The following SOS2 variants were observed in gnomAD, a reference collection of about 807,000 sequenced individuals.
SOS2 encodes the protein son of sevenless homolog 2.
In SOS2, 65 loss-of-function variants were observed where a neutral mutation model predicts 148.2. The ratio of observed to expected loss-of-function variants is 0.44; its 90% CI spans 0.36 to 0.54. The LOEUF is 0.54. SOS2 is among the 20% of genes least tolerant of loss of function. SOS2 has a pLI of 0.00. For missense variants in SOS2, 1,341 were observed against 1,590.2 expected, an observed-to-expected ratio of 0.84 and a Z score of 2.67; for synonymous variants, 539 against 537.1, an observed-to-expected ratio of 1.00 and a Z score of -0.05.
At chr14:50,189,275 CATATGT>C (rs201105058) in intron 4 of SOS2, among the ~76,000 whole-genome samples, 1,711 of 124,402 alleles carry the variant, frequency 0.014, 39 homozygotes, top group African/African-American at 0.048. Flanking sequence ...TGTACTAATA[CATATGT>C]ATATGTATAT....
chr14:50,138,350 G>A (rs1171331407), intron 18 of SOS2, among the ~76,000 whole-genome samples: 3 of 150,550 alleles, frequency 2.0e-5, no homozygotes, highest in Non-Finnish European at 3.0e-5. Flanking sequence ...TAGTAGAGAC[G>A]GGGTTTCGCC....
At chr14:50,182,409 C>T in intron 6 of SOS2, 54 bp downstream of exon 6, 1 of 1,529,042 alleles carries the variant, frequency 6.5e-7, no homozygotes, top group African/African-American at 1.4e-5. Context: ...CTCTAAGTTT[C>T]TTACTACAGC....
intron 14 of SOS2, 103 bp downstream of exon 14, chr14:50,149,905 G>A: frequency 1.3e-6 from 1 of 797,582 alleles, no homozygotes; most frequent in Non-Finnish European, 2.1e-6. Flanking sequence ...GAGAGTAGAT[G>A]AGGTATTTTT....
intron 5 of SOS2, among the ~76,000 whole-genome samples, chr14:50,187,835 A>C (rs1885967516): frequency 6.6e-6 from 1 of 152,206 alleles, no homozygotes; most frequent in Non-Finnish European, 1.5e-5. Flanking sequence ...CTTCAAACTA[A>C]AACTTTAAAC....
At chr14:50,190,171 A>AT (rs1381753180) in intron 4 of SOS2, among the ~76,000 whole-genome samples, 1 of 152,040 alleles carries the variant, frequency 6.6e-6, no homozygotes, top group Non-Finnish European at 1.5e-5. Flanking sequence ...ACATTTTATA[A>AT]TTAATAATAC....
chr14:50,204,353 A>T lies in SOS2; in HGVS notation c.144T>A (p.Ile48=). Reference sequence around the variant, plus strand: ...TAAGCAGCTGAAAAATCAGCTCTTCAATATAATAGAGAGACTCTTCATTAG... The same window carrying T: ...TAAGCAGCTGAAAAATCAGCTCTTCTATATAATAGAGAGACTCTTCATTAG... ...LSANEESLYY[I]EELIFQLLNK... Residue 48 remains isoleucine (I), a synonymous_variant, in exon 2 of 23, where the codon ATT becomes ATA. Transcript: ENST00000216373. 1.9e-6 allele frequency: 3 copies of T among 1,591,094 alleles called. No individual in the cohort carries two copies. The highest frequency in any genetic ancestry group is 2.6e-6 in the Non-Finnish European group (3 of 1,160,698).
At chr14:50,157,185 A>G (rs1025858913) in intron 11 of SOS2, 64 bp from the exon 12 acceptor site, 3 of 1,554,804 alleles carry the variant, frequency 1.9e-6, no homozygotes, top group African/African-American at 1.4e-5. Context: ...GGAGGAAAAC[A>G]GCAAGCAACC....
At chr14:50,148,132 C>G (rs899612893) in intron 14 of SOS2, among the ~76,000 whole-genome samples, 1 of 152,136 alleles carries the variant, frequency 6.6e-6, no homozygotes, top group East Asian at 1.9e-4. Context: ...GTTTACAAAG[C>G]TGGGTGCAGT....
At chr14:50,220,841 T>A (rs753678787) in intron 1 of SOS2, among the ~76,000 whole-genome samples, 1 of 152,190 alleles carries the variant, frequency 6.6e-6, no homozygotes, top group Non-Finnish European at 1.5e-5. Context: ...TCATCAAAGT[T>A]TTCTTTGAAT....
At chr14:50,167,139 AC>A (rs1464756396) in intron 8 of SOS2, among the ~76,000 whole-genome samples, 2 of 152,180 alleles carry the variant, frequency 1.3e-5, no homozygotes, top group Admixed American at 1.3e-4. Context: ...TTAAAAAAAA[AC>A]ACATAAGAAA....
At chr14:50,167,880 GA>G (rs1281972927) in intron 8 of SOS2, among the ~76,000 whole-genome samples, 1 of 148,790 alleles carries the variant, frequency 6.7e-6, no homozygotes, top group Non-Finnish European at 1.5e-5. Flanking sequence ...AAAAAAAAAA[GA>G]AAAAAAAAGT....
At chr14:50,146,134 CAAAAAAAAA>C (rs775495958) in intron 14 of SOS2, among the ~76,000 whole-genome samples, 1 of 85,182 alleles carries the variant, frequency 1.2e-5, no homozygotes, top group African/African-American at 4.4e-5. Flanking sequence ...GCTCTGTCTC[CAAAAAAAAA>C]AAAAAAAAAA....
intron 4 of SOS2, among the ~76,000 whole-genome samples, chr14:50,190,316 G>A (rs1198811052): frequency 6.6e-6 from 1 of 152,096 alleles, no homozygotes; most frequent in South Asian, 2.1e-4. Flanking sequence ...GGGATGAGAG[G>A]AAATTCTGAC....
chr14:50,135,775 C>CAGAATGAA (rs1330447248), intron 18 of SOS2, among the ~76,000 whole-genome samples: 2 of 147,282 alleles, frequency 1.4e-5, no homozygotes, highest in East Asian at 4.0e-4. Context: ...TATAGTATTT[C>CAGAATGAA]ATCAGATGGA....
chr14:50,159,186 T>C (rs1429022341), intron 10 of SOS2, among the ~76,000 whole-genome samples: 1 of 150,996 alleles, frequency 6.6e-6, no homozygotes, highest in Non-Finnish European at 1.5e-5. Flanking sequence ...CAAGACTCTG[T>C]CTCAAAAAAA....
rs572962866 is a variant in SOS2 at position 50,149,809 on chromosome 14, T to C, written c.2384+199A>G. Reference sequence around the variant, plus strand: ...TTCCTGCCATTCCTCTTGTAATGGATTGCTAGTCCCCAGTCTAGACATAAG... The same window carrying C: ...TTCCTGCCATTCCTCTTGTAATGGACTGCTAGTCCCCAGTCTAGACATAAG... On this transcript the variant is annotated intron_variant, in intron 14 of 22. Coordinates refer to ENST00000216373, the MANE Select transcript of SOS2 (RefSeq NM_006939.4). 3.9e-5 allele frequency among the ~76,000 whole-genome samples: 6 copies of C among 152,284 alleles called. No homozygotes were observed. The South Asian group carries it at 1.2e-3, about 32-fold the overall frequency.
chr14:50,165,012 G>A (rs1203998482), intron 8 of SOS2, among the ~76,000 whole-genome samples: 1 of 151,188 alleles, frequency 6.6e-6, no homozygotes, highest in African/African-American at 2.5e-5. Flanking sequence ...CCTTCCAGAG[G>A]AAGGGGGACT....
intron 19 of SOS2, among the ~76,000 whole-genome samples, chr14:50,131,033 C>T (rs558572153): frequency 5.3e-4 from 80 of 152,204 alleles, no homozygotes; most frequent in African/African-American, 1.9e-3. Flanking sequence ...TCACATTTTA[C>T]TCCTAAAACA....
Position 50,231,012 on chromosome 14 carries a change from CA to C in SOS2, c.87+184del, listed in dbSNP as rs143575536. On this transcript the variant is annotated intron_variant, in intron 1 of 22. Transcript: ENST00000216373. ...ACAAAACCTTCCTTCCGGGACCAGG[CA>C]AAAAAAAAAAACTTGAGAAACGTCC... 0.2 allele frequency: 101,764 copies of C among 520,098 alleles called. 4,873 individuals carry two copies. Among genetic ancestry groups the C allele is most frequent in the East Asian group, 0.39 (8,475 of 21,862 alleles). 32.2% of individuals were successfully genotyped at this position (520,098 alleles called of 1,614,324 possible). A position where few individuals can be genotyped will look rare whatever the true frequency, so the allele number is the denominator to read the frequency against.
Sources: allele counts gnomAD v4.1 joint callset (sites outside exome capture counted in the v4.1 genomes callset), GRCh38; gene constraint gnomAD v4.1.1; transcripts MANE v1.5; gene names NCBI Gene and HGNC (gene_info 2026-07-23, HGNC 2026-07-21).